PRKAR2A: variants seen among roughly 807,000 people sequenced by gnomAD.
PRKAR2A encodes cAMP-dependent protein kinase type II-alpha regulatory subunit.
A neutral mutation model predicts 51.9 loss-of-function variants in PRKAR2A; 29 were observed. The ratio of observed to expected loss-of-function variants is 0.56; its 90% confidence interval spans 0.42 to 0.76. The LOEUF is 0.76. PRKAR2A is among the 30% of genes least tolerant of loss of function. PRKAR2A has a pLI of 0.00. For missense variants in PRKAR2A, 445 were observed against 512.1 expected, an observed-to-expected ratio of 0.87 and a Z score of 1.26; for synonymous variants, 178 against 186.2, an observed-to-expected ratio of 0.96 and a Z score of 0.36.
At chr3:48,751,907 C>G (rs1270378238) in intron 10 of PRKAR2A, among the ~76,000 whole-genome samples, 189 bp from the exon 11 acceptor site, 2 of 152,194 alleles carry the variant, frequency 1.3e-5, no homozygotes, top group Admixed American at 1.3e-4. Context: ...CAGAGTCCAG[C>G]AGCTCCTGTT....
intron 5 of PRKAR2A, among the ~76,000 whole-genome samples, chr3:48,775,511 A>G (rs2082093524): frequency 6.6e-6 from 1 of 151,718 alleles, no homozygotes; most frequent in Middle Eastern, 3.4e-3. Context: ...GGCTAAAAAA[A>G]AAAAAAAATC....
chr3:48,813,866 G>C (rs1224782322), intron 1 of PRKAR2A, among the ~76,000 whole-genome samples: 1 of 152,152 alleles, frequency 6.6e-6, no homozygotes, highest in Non-Finnish European at 1.5e-5. Context: ...GCTCACACCT[G>C]TAATTCCAGT....
intron 1 of PRKAR2A, among the ~76,000 whole-genome samples, chr3:48,831,749 T>C (rs1393154481): frequency 6.6e-6 from 1 of 152,044 alleles, no homozygotes; most frequent in African/African-American, 2.4e-5. Flanking sequence ...CCCAAGTACC[T>C]GGGATTACAG....
Position 48,751,203 on chromosome 3 carries a change from C to T in PRKAR2A, c.*382G>A. The T allele has an allele frequency of 4.6e-6, 2 of 431,892 alleles. No homozygotes were observed. The highest frequency in any genetic ancestry group is 9.2e-6 in the Non-Finnish European group (2 of 217,060). The allele number at this position is 431,892 out of a possible 1,614,324, so 26.8% of individuals were successfully genotyped here. ...GTGTCTACAGTTATACAACAGGTTT[C>T]TGCAGACCCTGTGGTAACTTCCAAA... On this transcript the variant is annotated 3_prime_UTR_variant, in exon 11 of 11. Transcript: ENST00000265563.
At chr3:48,825,463 C>T (rs1439132304) in intron 1 of PRKAR2A, among the ~76,000 whole-genome samples, 1 of 152,030 alleles carries the variant, frequency 6.6e-6, no homozygotes, top group Non-Finnish European at 1.5e-5. Flanking sequence ...TGAGTACAGA[C>T]CCTGGCACAC....
At chr3:48,829,744 C>T (rs536776401) in intron 1 of PRKAR2A, among the ~76,000 whole-genome samples, 11 of 130,184 alleles carry the variant, frequency 8.4e-5, no homozygotes, top group East Asian at 4.6e-4. Context: ...TTTATATATA[C>T]GCATATATTT....
intron 1 of PRKAR2A, among the ~76,000 whole-genome samples, chr3:48,817,202 C>T (rs2082887502): frequency 6.6e-6 from 1 of 151,894 alleles, no homozygotes; most frequent in Admixed American, 6.6e-5. Flanking sequence ...TGGCACATGC[C>T]TGTAGTCCCA....
chr3:48,842,023 T>C (rs1173817943), intron 1 of PRKAR2A, among the ~76,000 whole-genome samples: 1 of 152,218 alleles, frequency 6.6e-6, no homozygotes, highest in African/African-American at 2.4e-5. Flanking sequence ...ATTTTCACTA[T>C]ATTGATTCTT....
intron 2 of PRKAR2A, among the ~76,000 whole-genome samples, chr3:48,807,383 T>C (rs2082689336): frequency 6.6e-6 from 1 of 152,036 alleles, no homozygotes; most frequent in Admixed American, 6.6e-5. Context: ...ATATGAAAAA[T>C]CATTTTTTGA....
At chr3:48,839,566 T>C (rs930805511) in intron 1 of PRKAR2A, among the ~76,000 whole-genome samples, 5 of 152,148 alleles carry the variant, frequency 3.3e-5, no homozygotes, top group African/African-American at 9.7e-5. Context: ...ATACGCATTA[T>C]AATACTTTAT....
At chr3:48,824,791 C>CA (rs1347306577) in intron 1 of PRKAR2A, among the ~76,000 whole-genome samples, 1 of 151,476 alleles carries the variant, frequency 6.6e-6, no homozygotes, top group Admixed American at 6.6e-5. Flanking sequence ...ACTAAAAACA[C>CA]AAAAATTAGT....
At chr3:48,798,163 G>A (rs552269326) in intron 2 of PRKAR2A, among the ~76,000 whole-genome samples, 2 of 152,216 alleles carry the variant, frequency 1.3e-5, no homozygotes, top group East Asian at 1.9e-4. Flanking sequence ...ATATTGGCCA[G>A]GCTGGTCTCA....
chr3:48,773,773 C>T (rs931365201), intron 5 of PRKAR2A, among the ~76,000 whole-genome samples: 1 of 151,550 alleles, frequency 6.6e-6, no homozygotes, highest in Non-Finnish European at 1.5e-5. Context: ...CACATATATA[C>T]ATACACATAA....
chr3:48,788,394 C>T (rs1374182190), intron 4 of PRKAR2A, among the ~76,000 whole-genome samples: 1 of 152,088 alleles, frequency 6.6e-6, no homozygotes, highest in Non-Finnish European at 1.5e-5. Context: ...GAATTTCTGA[C>T]CTCAAATGAT....
At chr3:48,752,006 T>G (rs2107188445) in intron 10 of PRKAR2A, among the ~76,000 whole-genome samples, 170 bp downstream of exon 10, 1 of 152,320 alleles carries the variant, frequency 6.6e-6, no homozygotes. Flanking sequence ...CTGTCATCAG[T>G]ACTCAGAAAT....
rs764107133 is a variant in PRKAR2A at position 48,748,495 on chromosome 3, G to C, written c.*3090C>G. On this transcript the variant is annotated 3_prime_UTR_variant, in exon 11 of 11. Transcript: ENST00000265563. ...AAAACAGCAACTATCATTAAGTCAGGGGTGTCAAGGAGGACTCTGTGAAGG... is the reference window on the plus strand; with the variant it reads ...AAAACAGCAACTATCATTAAGTCAGCGGTGTCAAGGAGGACTCTGTGAAGG... 1.3e-5 allele frequency: 2 copies of C among 152,080 alleles called. No individual in the cohort carries two copies. The highest frequency in any genetic ancestry group is 2.9e-5 in the Non-Finnish European group (2 of 68,080). The allele number at this position is 152,080 out of a possible 1,614,324, so 9.4% of individuals were successfully genotyped here.
intron 8 of PRKAR2A, among the ~76,000 whole-genome samples, chr3:48,760,284 G>C (rs1157369742): frequency 1.3e-5 from 2 of 152,204 alleles, no homozygotes; most frequent in South Asian, 2.1e-4. Flanking sequence ...CTGAACTGGG[G>C]AGGTGGAGGT....
chr3:48,822,545 A>G (rs1479330070), intron 1 of PRKAR2A, among the ~76,000 whole-genome samples: 3 of 152,202 alleles, frequency 2.0e-5, no homozygotes, highest in African/African-American at 7.2e-5. Context: ...AATTAGCAAA[A>G]TTAAGCCATT....
At chr3:48,802,523 G>A (rs1559629986) in intron 2 of PRKAR2A, among the ~76,000 whole-genome samples, 1 of 152,096 alleles carries the variant, frequency 6.6e-6, no homozygotes, top group Non-Finnish European at 1.5e-5. Flanking sequence ...GGCAAACATG[G>A]CAAAACCTTG....
Sources: allele counts gnomAD v4.1 joint callset (sites outside exome capture counted in the v4.1 genomes callset), GRCh38; gene constraint gnomAD v4.1.1; transcripts MANE v1.5; gene names NCBI Gene and HGNC (gene_info 2026-07-23, HGNC 2026-07-21).